Variants in TBX15 observed in about 807,000 individuals in gnomAD.
TBX15 encodes the protein T-box transcription factor TBX15.
TBX15 carries 18 observed loss-of-function variants against 53.9 expected under a neutral mutation model. The ratio of observed to expected loss-of-function variants is 0.33; its 90% CI spans 0.23 to 0.49. TBX15 has a LOEUF of 0.49. Among genes scored for constraint, TBX15 ranks in the 20% least tolerant of loss-of-function variants. The pLI, the probability that TBX15 is intolerant of heterozygous loss-of-function variation, is 0.98. For missense variants in TBX15, 692 were observed against 749.5 expected, an observed-to-expected ratio of 0.92 and a Z score of 0.90; for synonymous variants, 295 against 278.0, an observed-to-expected ratio of 1.06 and a Z score of -0.61.
chr1:118,885,188 T>A lies in TBX15; in HGVS notation c.1353A>T (p.Pro451=), dbSNP rs748302982. The A allele has an allele frequency of 6.2e-7, 1 of 1,614,060 alleles. No homozygotes were observed. The highest frequency in any genetic ancestry group is 8.5e-7 in the Non-Finnish European group (1 of 1,180,010). The change falls in exon 8 of 8, where the codon CCA becomes CCT. Residue 451 remains proline, a synonymous_variant. Coordinates refer to ENST00000369429, the MANE Select transcript of TBX15 (RefSeq NM_001330677.2). ...QRTPSLISGI[P]TPPSLPGNSK... is the part of the protein sequence containing the mutation. The stretch of plus-strand genomic sequence containing the variant: ...TGTTGCCAGGCAACGAGGGAGGAGT[T>A]GGTATTCCTGAGATCAGGGATGGAG...
At chr1:118,886,750 AT>A (rs1400410306) in intron 7 of TBX15, among the ~76,000 whole-genome samples, 2 of 152,196 alleles carry the variant, frequency 1.3e-5, no homozygotes, top group Admixed American at 6.5e-5. Context: ...AGAGTCTCTG[AT>A]TCTGTAAGTC....
chr1:118,969,691 A>G (rs531381439), intron 1 of TBX15, among the ~76,000 whole-genome samples: 2 of 152,234 alleles, frequency 1.3e-5, no homozygotes, highest in Non-Finnish European at 2.9e-5. Context: ...TTGGCTATTA[A>G]CATTTAGAAA....
chr1:118,936,734 C>T (rs1655984001), intron 1 of TBX15, among the ~76,000 whole-genome samples: 2 of 152,180 alleles, frequency 1.3e-5, no homozygotes. Context: ...CAAAACATCA[C>T]TTAGTACAGG....
At chr1:118,928,385 C>A (rs917496678) in intron 2 of TBX15, among the ~76,000 whole-genome samples, 3 of 152,148 alleles carry the variant, frequency 2.0e-5, no homozygotes, top group African/African-American at 7.2e-5. Context: ...AGGCCTCATA[C>A]TTTTGTCTTA....
chr1:118,924,937 A>C (rs886202119), intron 3 of TBX15, 120 bp from the exon 4 acceptor site: 17 of 1,068,444 alleles, frequency 1.6e-5, no homozygotes, highest in African/African-American at 4.7e-5. Flanking sequence ...TGAATGGAGA[A>C]GTAATGGGAA....
intron 7 of TBX15, among the ~76,000 whole-genome samples, chr1:118,887,671 CAAAA>C (rs200343289): frequency 1.1e-5 from 1 of 90,140 alleles, no homozygotes. Flanking sequence ...GCAAAACTCT[CAAAA>C]AAAAAAAAAA....
chr1:118,940,285 TTA>T (rs1273053204), intron 1 of TBX15, among the ~76,000 whole-genome samples: 1 of 151,984 alleles, frequency 6.6e-6, no homozygotes, highest in Non-Finnish European at 1.5e-5. Flanking sequence ...CAACTTAACA[TTA>T]TTTAGTAAGT....
chr1:118,953,127 A>G (rs1444025902), intron 1 of TBX15, among the ~76,000 whole-genome samples: 1 of 151,874 alleles, frequency 6.6e-6, no homozygotes, highest in African/African-American at 2.4e-5. Context: ...TCTCTTTAAG[A>G]TTTGCTTTTG....
At chr1:118,885,638 C>A (rs1653915319) in intron 7 of TBX15, 122 bp from the exon 8 acceptor site, 3 of 1,230,422 alleles carry the variant, frequency 2.4e-6, no homozygotes, top group Non-Finnish European at 2.3e-6. Context: ...TTTTACAGAA[C>A]CATTTTTCCT....
intron 1 of TBX15, among the ~76,000 whole-genome samples, chr1:118,934,508 A>T (rs1282037617): frequency 6.6e-6 from 1 of 152,190 alleles, no homozygotes; most frequent in Admixed American, 6.5e-5. Context: ...ACCTTAAGAA[A>T]TTTCCCAGTT....
chr1:118,982,912 T>C (rs560402290), intron 1 of TBX15, among the ~76,000 whole-genome samples: 51 of 152,322 alleles, frequency 3.3e-4, no homozygotes, highest in Middle Eastern at 6.8e-3. Context: ...CCAAATATAG[T>C]GCTCAGCAAG....
At chr1:118,887,246 A>T (rs925214396) in intron 7 of TBX15, among the ~76,000 whole-genome samples, 2 of 152,238 alleles carry the variant, frequency 1.3e-5, no homozygotes, top group Admixed American at 1.3e-4. Flanking sequence ...GATTCCCCCA[A>T]GGAATGTAAT....
At chr1:118,971,110 A>T (rs1657223734) in intron 1 of TBX15, among the ~76,000 whole-genome samples, 1 of 152,208 alleles carries the variant, frequency 6.6e-6, no homozygotes, top group Non-Finnish European at 1.5e-5. Flanking sequence ...TCCTGAAACA[A>T]ATAGGAAAAG....
chr1:118,913,600 GGTGTTCTGTAAACTCTCTTTTCTAAAGCA>G (rs1223780152), intron 6 of TBX15, among the ~76,000 whole-genome samples: 5 of 152,048 alleles, frequency 3.3e-5, no homozygotes, highest in Non-Finnish European at 7.4e-5. Context: ...TCAAGAAAGG[GGTGTTCTGTAAACTCTCTTTTCTAAAGCA>G]GGAAGCATCT....
chr1:118,951,009 T>C (rs1656495991), intron 1 of TBX15, among the ~76,000 whole-genome samples: 1 of 152,160 alleles, frequency 6.6e-6, no homozygotes, highest in Admixed American at 6.5e-5. Context: ...AGAACAATTT[T>C]CATACTGCAA....
intron 1 of TBX15, among the ~76,000 whole-genome samples, chr1:118,980,537 G>A (rs1657611753): frequency 6.6e-6 from 1 of 152,196 alleles, no homozygotes; most frequent in Non-Finnish European, 1.5e-5. Flanking sequence ...CAAATAAGAG[G>A]ACGTTTTTAC....
intron 1 of TBX15, among the ~76,000 whole-genome samples, chr1:118,987,093 A>G (rs1162114086): frequency 6.6e-6 from 1 of 152,234 alleles, no homozygotes. Flanking sequence ...AAATATAATT[A>G]TGTTCCACCA....
At chr1:118,908,326 G>A (rs895831304) in intron 6 of TBX15, among the ~76,000 whole-genome samples, 2 of 150,892 alleles carry the variant, frequency 1.3e-5, no homozygotes, top group African/African-American at 2.4e-5. Context: ...CAGTCTTCCA[G>A]GAGCTTATAT....
chr1:118,910,670 A>C (rs1019543136), intron 6 of TBX15, among the ~76,000 whole-genome samples: 2 of 152,174 alleles, frequency 1.3e-5, no homozygotes, highest in Non-Finnish European at 2.9e-5. Context: ...TTAAAGAGAA[A>C]AATACAAGGG....
Sources: gnomAD v4.1 joint callset for allele counts (sites outside exome capture counted in the v4.1 genomes callset) on GRCh38, gnomAD v4.1.1 for gene constraint, MANE v1.5 for transcripts, NCBI Gene and HGNC (gene_info 2026-07-23, HGNC 2026-07-21) for gene names.